Variants in ALOX5 observed in about 807,000 individuals in gnomAD.
ALOX5 encodes the protein arachidonate 5-lipoxygenase, also known as polyunsaturated fatty acid 5-lipoxygenase.
Under a neutral mutation model 87.9 loss-of-function variants are expected in ALOX5, and 64 were observed. The ratio of observed to expected loss-of-function variants is 0.73; its 90% CI spans 0.60 to 0.90. The LOEUF (loss-of-function observed/expected upper bound fraction) is 0.90. Ranked by LOEUF, ALOX5 falls within the 40% of genes least tolerant of loss-of-function variation. ALOX5 has a pLI of 0.00. For missense variants in ALOX5, 822 were observed against 907.5 expected (o/e 0.91, Z 1.21); for synonymous variants, 388 against 355.1 (o/e 1.09, Z -1.04).
chr10:45,415,661 C>T (rs143337229), intron 4 of ALOX5, among the ~76,000 whole-genome samples: 11 of 152,188 alleles, frequency 7.2e-5, no homozygotes, highest in Admixed American at 1.3e-4. Flanking sequence ...CCGAAGATGT[C>T]TTTAAGGGCA....
chr10:45,441,248 C>A, intron 8 of ALOX5, 96 bp from the exon 9 acceptor site: 1 of 1,067,710 alleles, frequency 9.4e-7, no homozygotes. Context: ...CAGCATCATC[C>A]TATAGGGCAG....
In ALOX5 at chr10:45,443,732, C is replaced by G; in HGVS notation, c.1578C>G (p.Phe526Leu). The change falls in exon 12 of 14, where the codon TTC becomes TTG. Residue 526 changes from phenylalanine (F) to leucine (L), a missense_variant. Physicochemically the swap from Phe to Leu is conservative, Grantham distance 22 (BLOSUM62 0). Coordinates refer to ENST00000374391, the MANE Select transcript of ALOX5 (RefSeq NM_000698.5). Reference sequence around the variant, plus strand: ...CCGCCGGTGGTTCCACCCTAGGCTTCCCCAAGTCGGTCAAGAGCCGGGAGC... The same window carrying G: ...CCGCCGGTGGTTCCACCCTAGGCTTGCCCAAGTCGGTCAAGAGCCGGGAGC... The part of the protein sequence containing the change: ...YGMRGRKSSG[F>L]PKSVKSREQL... The G allele has an allele frequency of 6.2e-7, 1 of 1,611,800 alleles. No individual in the cohort carries two copies. Among genetic ancestry groups the G allele is most frequent in the Non-Finnish European group, 8.5e-7 (1 of 1,179,236 alleles).
At chr10:45,423,463 C>G (rs1178975230) in intron 4 of ALOX5, among the ~76,000 whole-genome samples, 1 of 152,206 alleles carries the variant, frequency 6.6e-6, no homozygotes, top group Non-Finnish European at 1.5e-5. Context: ...CCTGCCTCCT[C>G]CAGGAAGCCC....
In ALOX5 at chr10:45,374,408, C is replaced by T. The variant is rs1190450015; in HGVS notation, c.129C>T (p.Tyr43=). The change falls in exon 1 of 14, where the codon TAC becomes TAT. Residue 43 remains tyrosine, a synonymous_variant. Coordinates refer to ENST00000374391, the MANE Select transcript of ALOX5 (RefSeq NM_000698.5). The part of the protein sequence containing the change: ...SEKHLLDKPF[Y]NDFERGAVDS... ...AGCACCTGCTGGACAAGCCCTTCTA[C>T]AACGACTTCGAGCGTGGCGCGGTGA... 2 of 1,563,398 alleles carry T rather than the reference C, an allele frequency of 1.3e-6. No homozygotes were observed. The highest frequency in any genetic ancestry group is 1.7e-6 in the Non-Finnish European group (2 of 1,159,790).
rs574801117 is a variant in ALOX5 at position 45,442,538 on chromosome 10, A to T, written c.1273-500A>T. 2.5e-3 allele frequency: 394 copies of T among 154,876 alleles called. 1 individual carries two copies. Among genetic ancestry groups the T allele is most frequent in the African/African-American group, 9.0e-3 (375 of 41,622 alleles). 9.6% of individuals were successfully genotyped at this position (154,876 alleles called of 1,614,324 possible). ...GTGAGCTTGTGAGTGTGTCTGCATC[A>T]CTCAGAAGCCGGGATCGGGATCAGG... On this transcript the variant is annotated intron_variant, in intron 9 of 13. Coordinates refer to ENST00000374391, the MANE Select transcript of ALOX5 (RefSeq NM_000698.5).
intron 3 of ALOX5, among the ~76,000 whole-genome samples, chr10:45,396,356 A>AG (rs371347495): frequency 6.6e-6 from 1 of 151,528 alleles, no homozygotes; most frequent in East Asian, 1.9e-4. Context: ...ATAAGAGAAA[A>AG]TCAATACAGA....
chr10:45,375,578 C>T (rs1307941629), intron 1 of ALOX5, among the ~76,000 whole-genome samples: 2 of 152,188 alleles, frequency 1.3e-5, no homozygotes, highest in South Asian at 2.1e-4. Flanking sequence ...CAAATACAAC[C>T]GGCAAGTTCA....
intron 4 of ALOX5, among the ~76,000 whole-genome samples, chr10:45,421,289 C>T (rs182341571): frequency 2.0e-5 from 3 of 152,374 alleles, no homozygotes; most frequent in Admixed American, 1.3e-4. Context: ...CAGAGTAAAC[C>T]TCCTGTTTTG....
At chr10:45,391,077 G>GTTTCCCTCTCCC (rs1840221537) in intron 2 of ALOX5, among the ~76,000 whole-genome samples, 1 of 55,560 alleles carries the variant, frequency 1.8e-5, no homozygotes, top group Non-Finnish European at 3.0e-5. Flanking sequence ...TCTCCCCACG[G>GTTTCCCTCTCCC]TCTCCCTCTC....
intron 5 of ALOX5, 79 bp from the exon 6 acceptor site, chr10:45,424,881 T>C: frequency 1.3e-6 from 2 of 1,553,350 alleles, no homozygotes; most frequent in Non-Finnish European, 1.8e-6. Flanking sequence ...GACTCTGCTC[T>C]TAGGTGAGGT....
rs758515927 is a variant in ALOX5 at position 45,443,823 on chromosome 10, G to C, written c.1669G>C (p.Gly557Arg). The C allele has an allele frequency of 1.2e-6, 2 of 1,604,712 alleles. No homozygotes were observed. The highest frequency in any genetic ancestry group is 8.5e-7 in the Non-Finnish European group (1 of 1,176,240). The change falls in exon 12 of 14, where the codon GGC becomes CGC. Residue 557 changes from glycine to arginine, a missense_variant. Physicochemically the swap from Gly to Arg is moderately radical, Grantham distance 125. Coordinates refer to ENST00000374391, the MANE Select transcript of ALOX5 (RefSeq NM_000698.5). ...CGCCCAGCACGCCGCGGTCAACTTC[G>C]GCCAGGTAGGCAGGGCCGGGCCCGC... ...ASAQHAAVNF[G>R]QYDWCSWIPN...
chr10:45,422,403 T>C (rs1841534354), intron 4 of ALOX5, among the ~76,000 whole-genome samples: 2 of 152,110 alleles, frequency 1.3e-5, no homozygotes, highest in South Asian at 4.1e-4. Flanking sequence ...GAGAAGTGGG[T>C]CCAGGCAGAG....
intron 11 of ALOX5, 93 bp downstream of exon 11, chr10:45,443,630 C>T (rs1842323093): frequency 1.9e-6 from 3 of 1,594,332 alleles, no homozygotes; most frequent in African/African-American, 2.7e-5. Context: ...GCCCAGGGTG[C>T]CCTCCGGCCT....
chr10:45,406,554 C>T (rs1348473256), intron 3 of ALOX5, among the ~76,000 whole-genome samples: 1 of 152,226 alleles, frequency 6.6e-6, no homozygotes, highest in Non-Finnish European at 1.5e-5. Context: ...CAACGTACTT[C>T]CATAGAATTT....
intron 2 of ALOX5, among the ~76,000 whole-genome samples, chr10:45,390,628 T>G (rs974315026): frequency 2.0e-5 from 3 of 152,134 alleles, no homozygotes; most frequent in Non-Finnish European, 2.9e-5. Flanking sequence ...AAATAAAGAT[T>G]TTCTTTGAAA....
chr10:45,379,451 A>T (rs1839751956), intron 1 of ALOX5, among the ~76,000 whole-genome samples: 1 of 152,104 alleles, frequency 6.6e-6, no homozygotes, highest in African/African-American at 2.4e-5. Context: ...CTCTGTCCTC[A>T]CAGCCCTGTC....
At chr10:45,406,476 A>G (rs140348708) in intron 3 of ALOX5, among the ~76,000 whole-genome samples, 1 of 152,262 alleles carries the variant, frequency 6.6e-6, no homozygotes, top group Non-Finnish European at 1.5e-5. Flanking sequence ...ATGTGTTGGC[A>G]TTTTACTGAG....
At chr10:45,437,107 C>T (rs1200146029) in intron 7 of ALOX5, among the ~76,000 whole-genome samples, 1 of 152,172 alleles carries the variant, frequency 6.6e-6, no homozygotes, top group East Asian at 1.9e-4. Flanking sequence ...AATCCCAGCA[C>T]TTTGGGAGGC....
At position 45,440,574 on chromosome 10, in the gene ALOX5, T is replaced by A. The variant is rs759303080; in HGVS notation, c.1126T>A (p.Ser376Thr). 21 of 1,614,030 alleles carry A rather than the reference T, an allele frequency of 1.3e-5. No individual in the cohort carries two copies. Among genetic ancestry groups the A allele is most frequent in the Non-Finnish European group, 1.8e-5 (21 of 1,180,046 alleles). Reference sequence around the variant, plus strand: ...CCACCTTCTGCGAACACATCTGGTGTCTGAGGTTTTTGGCATTGCAATGTA... The same window carrying A: ...CCACCTTCTGCGAACACATCTGGTGACTGAGGTTTTTGGCATTGCAATGTA... ...ITHLLRTHLVSEVFGIAMYRQ... is the reference protein window; with the variant it reads ...ITHLLRTHLVTEVFGIAMYRQ... The change falls in exon 8 of 14, where the codon TCT becomes ACT. Residue 376 changes from serine (S) to threonine (T), a missense_variant. Coordinates refer to ENST00000374391, the MANE Select transcript of ALOX5 (RefSeq NM_000698.5).
Sources: gnomAD v4.1 joint callset for allele counts (sites outside exome capture counted in the v4.1 genomes callset) on GRCh38, gnomAD v4.1.1 for gene constraint, MANE v1.5 for transcripts, NCBI Gene and HGNC (gene_info 2026-07-23, HGNC 2026-07-21) for gene names.